DNAJC16: variants seen among roughly 807,000 people sequenced by gnomAD.
The protein encoded by DNAJC16 is DnaJ heat shock protein family (Hsp40) member C16.
In DNAJC16, 76 loss-of-function variants were observed where a neutral mutation model predicts 92.7. That is an observed-to-expected ratio of 0.82 (90% confidence interval 0.68 to 0.99). DNAJC16 has a LOEUF of 0.99. Among genes scored for constraint, DNAJC16 ranks in the 50% least tolerant of loss-of-function variants. DNAJC16 has a pLI of 0.00. For synonymous variants in DNAJC16, 328 were observed against 358.7 expected, an observed-to-expected ratio of 0.91 and a Z score of 0.97; for missense variants, 869 against 942.4, an observed-to-expected ratio of 0.92 and a Z score of 1.02.
rs1056701478 is a variant in DNAJC16, at chr1:15,569,219, T to C, written c.*1042T>C. On this transcript the variant is annotated 3_prime_UTR_variant, in exon 15 of 15. Transcript: ENST00000375847. Reference sequence around the variant, plus strand: ...TTAAAATTTCTCAACAATTGTATTTTGAACACTGTTACCCTAAAAGTGCTG... The same window carrying C: ...TTAAAATTTCTCAACAATTGTATTTCGAACACTGTTACCCTAAAAGTGCTG... 1 of 152,710 alleles carries C rather than the reference T, an allele frequency of 6.5e-6. No individual in the cohort carries two copies. Among genetic ancestry groups the C allele is most frequent in the Non-Finnish European group, 1.5e-5 (1 of 68,130 alleles). The allele number at this position is 152,710 out of a possible 1,614,324, so 9.5% of individuals were successfully genotyped here.
chr1:15,567,487 C>T (rs1249413154), intron 14 of DNAJC16, among the ~76,000 whole-genome samples: 1 of 152,184 alleles, frequency 6.6e-6, no homozygotes, highest in African/African-American at 2.4e-5. Flanking sequence ...AAAGCTTGAA[C>T]TCAGTGTTAT....
At chr1:15,554,244 A>G (rs560920343) in intron 7 of DNAJC16, among the ~76,000 whole-genome samples, 2 of 152,128 alleles carry the variant, frequency 1.3e-5, no homozygotes, top group African/African-American at 4.8e-5. Flanking sequence ...GGAATAGACT[A>G]TGGTGTGTTT....
chr1:15,540,591 A>C (rs967933048), intron 4 of DNAJC16, among the ~76,000 whole-genome samples: 1 of 152,054 alleles, frequency 6.6e-6, no homozygotes, highest in African/African-American at 2.4e-5. Context: ...TTATAGGTAA[A>C]ATAGAGATGG....
At chr1:15,532,056 A>C (rs1272422708) in intron 2 of DNAJC16, among the ~76,000 whole-genome samples, 3 of 152,168 alleles carry the variant, frequency 2.0e-5, no homozygotes, top group Non-Finnish European at 2.9e-5. Flanking sequence ...TAGGAAAACT[A>C]TGTTTTTCTC....
chr1:15,526,858 T>TC lies in DNAJC16; in HGVS notation c.-115dup, dbSNP rs1467898517. 1 of 152,362 alleles carries TC rather than the reference T, an allele frequency of 6.6e-6. No individual in the cohort carries two copies. The highest frequency in any genetic ancestry group is 1.5e-5 in the Non-Finnish European group (1 of 68,162). 9.4% of individuals were successfully genotyped at this position (152,362 alleles called of 1,614,324 possible). ...CGGGCTTGTCCCCTCCTCTTTCCCC[T>TC]CCCCAGGCCCAGGCGAGCGCTGGTG... On this transcript the variant is annotated 5_prime_UTR_variant, in exon 1 of 15. Transcript: ENST00000375847.
intron 3 of DNAJC16, 49 bp from the exon 4 acceptor site, chr1:15,536,426 T>G (rs1402490066): frequency 6.8e-7 from 1 of 1,466,424 alleles, no homozygotes; most frequent in South Asian, 1.4e-5. Context: ...CAAAAAAGTC[T>G]TTTGGATGAA....
chr1:15,538,024 C>T (rs1384800992), intron 4 of DNAJC16, among the ~76,000 whole-genome samples: 1 of 152,170 alleles, frequency 6.6e-6, no homozygotes, highest in Admixed American at 6.5e-5. Flanking sequence ...AATCAAATAT[C>T]ATTTTAGGGA....
At chr1:15,564,776 G>A (rs537994082) in intron 11 of DNAJC16, among the ~76,000 whole-genome samples, 18 of 147,008 alleles carry the variant, frequency 1.2e-4, no homozygotes, top group South Asian at 4.4e-4. Context: ...TGATCCACCC[G>A]CCTCGGCCTC....
chr1:15,542,499 C>G (rs565948158), intron 4 of DNAJC16, among the ~76,000 whole-genome samples: 14 of 152,274 alleles, frequency 9.2e-5, no homozygotes, highest in African/African-American at 3.4e-4. Context: ...TTGTAATATC[C>G]CTTATACCTA....
chr1:15,552,806 C>T (rs1191289591), intron 7 of DNAJC16, among the ~76,000 whole-genome samples: 26 of 144,478 alleles, frequency 1.8e-4, no homozygotes, highest in Non-Finnish European at 3.3e-4. Context: ...CTTGCTCTGT[C>T]TCTAAGGCTG....
chr1:15,546,822 C>G lies in DNAJC16; in HGVS notation c.815C>G (p.Pro272Arg). Residue 272 changes from proline to arginine, a missense_variant, in exon 6 of 15, where the codon CCT (proline) becomes CGT (arginine). Coordinates refer to ENST00000375847, the MANE Select transcript of DNAJC16 (RefSeq NM_015291.4). Reference sequence around the variant, plus strand: ...TCTGGCTGGCAGCAAGAGAATAAGCCTCATGTCCTTCTGTTTGACCAAACG... The same window carrying G: ...TCTGGCTGGCAGCAAGAGAATAAGCGTCATGTCCTTCTGTTTGACCAAACG... ...FLSGWQQENKPHVLLFDQTPI... is the reference protein window; with the variant it reads ...FLSGWQQENKRHVLLFDQTPI... The G allele has an allele frequency of 2.5e-6, 4 of 1,613,846 alleles. No homozygotes were observed. Among genetic ancestry groups the G allele is most frequent in the Non-Finnish European group, 3.4e-6 (4 of 1,179,952 alleles).
Position 15,548,324 on chromosome 1 carries a change from T to A in DNAJC16, c.919T>A (p.Leu307Met), listed in dbSNP as rs752487776. 3.7e-6 allele frequency: 6 copies of A among 1,614,070 alleles called. No individual in the cohort carries two copies. Among genetic ancestry groups the A allele is most frequent in the Non-Finnish European group, 5.1e-6 (6 of 1,180,020 alleles). The change falls in exon 7 of 15, where the codon TTG becomes ATG. Residue 307 changes from leucine to methionine, a missense_variant. Transcript: ENST00000375847. Reference sequence around the variant, plus strand: ...ATCATTTGGATATGTATATGTGGGTTTGAGAGGGACGGAAGAGATGACAAG... The same window carrying A: ...ATCATTTGGATATGTATATGTGGGTATGAGAGGGACGGAAGAGATGACAAG... Reference protein sequence around the residue: ...YLSFGYVYVGLRGTEEMTRRY... With the variant: ...YLSFGYVYVGMRGTEEMTRRY...
chr1:15,532,446 C>T (rs539821076), intron 2 of DNAJC16, among the ~76,000 whole-genome samples: 3 of 152,020 alleles, frequency 2.0e-5, no homozygotes, highest in South Asian at 4.2e-4. Context: ...GAAAGTATTC[C>T]GTATGAATAC....
intron 11 of DNAJC16, 103 bp from the exon 12 acceptor site, chr1:15,565,816 T>C (rs1638793094): frequency 9.0e-7 from 1 of 1,117,004 alleles, no homozygotes; most frequent in Non-Finnish European, 1.3e-6. Flanking sequence ...AGTAAGCGTT[T>C]ATTGGTGTGA....
intron 7 of DNAJC16, among the ~76,000 whole-genome samples, chr1:15,551,078 C>T (rs945954335): frequency 6.6e-6 from 1 of 152,198 alleles, no homozygotes; most frequent in Admixed American, 6.5e-5. Context: ...CCATGTTGGC[C>T]AGGCTGTTCT....
chr1:15,544,024 T>C (rs1368330208), intron 4 of DNAJC16, among the ~76,000 whole-genome samples: 1 of 152,264 alleles, frequency 6.6e-6, no homozygotes, highest in Non-Finnish European at 1.5e-5. Flanking sequence ...TAATATTGAA[T>C]GTGTCTCCAG....
At chr1:15,530,742 C>A (rs910131862) in intron 2 of DNAJC16, among the ~76,000 whole-genome samples, 1 of 152,182 alleles carries the variant, frequency 6.6e-6, no homozygotes, top group Non-Finnish European at 1.5e-5. Context: ...GGCTGGAATG[C>A]AGTGGCACAA....
chr1:15,527,216 A>G (rs1019750546), intron 1 of DNAJC16, among the ~76,000 whole-genome samples: 4 of 151,844 alleles, frequency 2.6e-5, no homozygotes, highest in African/African-American at 7.3e-5. Flanking sequence ...CTGGTCCTGG[A>G]TATGCTGCCC....
chr1:15,566,221 GC>G, intron 13 of DNAJC16, 41 bp downstream of exon 13: 2 of 1,510,422 alleles, frequency 1.3e-6, no homozygotes, highest in Middle Eastern at 1.7e-4. Flanking sequence ...CCCGGCACCT[GC>G]CCCCCAGATC....
Sources: gnomAD v4.1 joint callset for allele counts (sites outside exome capture counted in the v4.1 genomes callset) on GRCh38, gnomAD v4.1.1 for gene constraint, MANE v1.5 for transcripts, NCBI Gene and HGNC (gene_info 2026-07-23, HGNC 2026-07-21) for gene names.